The following HYDIN variants were observed in gnomAD, a reference collection of about 807,000 sequenced individuals.
The protein encoded by HYDIN is HYDIN axonemal central pair apparatus protein.
In HYDIN, 132 loss-of-function variants were observed where a neutral mutation model predicts 403.9. That is an observed-to-expected ratio of 0.33 (90% CI 0.28 to 0.38). The LOEUF (loss-of-function observed/expected upper bound fraction) is 0.38. Among genes scored for constraint, HYDIN ranks in the 10% least tolerant of loss-of-function variants. The probability of loss-of-function intolerance (pLI) is 1.00; values close to 1 mark genes in which losing one functional copy is unlikely to be tolerated. For synonymous variants in HYDIN, 1,202 were observed against 1,891.7 expected (o/e 0.64, Z 9.46); for missense variants, 2,827 against 5,009.5 (o/e 0.56, Z 13.15).
chr16:70,810,338 G>A (rs2035398490), intron 84 of HYDIN, among the ~76,000 whole-genome samples: 1 of 152,200 alleles, frequency 6.6e-6, no homozygotes, highest in Non-Finnish European at 1.5e-5. Flanking sequence ...CTCCTTCTTT[G>A]CTCATGGCCA....
At position 70,931,959 on chromosome 16, in the gene HYDIN, C is replaced by T. The variant is rs117551102; in HGVS notation, c.7158+3993G>A. ...GAACCCAGGAGGTGGAGGTTGCGGC[C>T]GAGATCCCACCACTGCACTGTAGCC... On this transcript the variant is annotated intron_variant, in intron 45 of 85. Transcript: ENST00000393567. 8.5e-3 allele frequency among the ~76,000 whole-genome samples: 1,047 copies of T among 122,554 alleles called. 9 individuals are homozygous for T. Among genetic ancestry groups the T allele is most frequent in the Non-Finnish European group, 0.011 (662 of 61,234 alleles). 80.4% of individuals were successfully genotyped at this position (122,554 alleles called of 152,430 possible). A position where few individuals can be genotyped will look rare whatever the true frequency, so the allele number is the denominator to read the frequency against.
intron 9 of HYDIN, 133 bp downstream of exon 9, chr16:71,129,507 G>C: frequency 1.4e-6 from 1 of 703,196 alleles, no homozygotes; most frequent in Non-Finnish European, 2.3e-6. Flanking sequence ...CACAGTGATG[G>C]TGAGTTTCTT....
rs1414742433 is a variant in HYDIN at position 70,889,583 on chromosome 16, G to A, written c.9774+4C>T. 3.7e-6 allele frequency: 2 copies of A among 540,774 alleles called. No individual in the cohort carries two copies. The highest frequency in any genetic ancestry group is 4.2e-5 in the Admixed American group (1 of 23,848). The allele number at this position is 540,774 out of a possible 1,614,324, so 33.5% of individuals were successfully genotyped here. The stretch of plus-strand genomic sequence containing the variant: ...TCTGTAAGAACAGGGAAAAGGACAC[G>A]CACCTGGCCTGTGGTGGTTACTTCT... On this transcript the variant is annotated splice_donor_region_variant and intron_variant, in intron 58 of 85. Transcript: ENST00000393567.
At chr16:71,230,483 G>T in intron 1 of HYDIN, 79 bp downstream of exon 1, 3 of 1,442,768 alleles carry the variant, frequency 2.1e-6, no homozygotes, top group South Asian at 2.8e-5. Flanking sequence ...GCGAGGACGA[G>T]GACGAAAAGA....
intron 5 of HYDIN, among the ~76,000 whole-genome samples, chr16:71,171,064 G>C (rs1007701974): frequency 6.6e-6 from 1 of 152,096 alleles, no homozygotes; most frequent in African/African-American, 2.4e-5. Flanking sequence ...TCCTTCATGA[G>C]CTCACCTGCT....
At chr16:71,203,552 T>C (rs2088133514) in intron 1 of HYDIN, among the ~76,000 whole-genome samples, 1 of 152,208 alleles carries the variant, frequency 6.6e-6, no homozygotes, top group Non-Finnish European at 1.5e-5. Flanking sequence ...ATATATAATA[T>C]ATAGACTAAT....
Position 70,955,443 on chromosome 16 carries a change from C to A in HYDIN, c.6248G>T (p.Gly2083Val). The change falls in exon 40 of 86, where the codon GGG becomes GTG. Residue 2083 changes from glycine (G) to valine (V), a missense_variant. Gly to Val is a moderately radical substitution (Grantham distance 109, BLOSUM62 -3). Transcript: ENST00000393567. ...EAVANSNNIPGIRARELCIRA... is the reference protein window; with the variant it reads ...EAVANSNNIPVIRARELCIRA... ...GATGCAGAGCTCACGGGCCCGGATC[C>A]CTGGGATGTTGTTGCTGTTGGCCAC... is the stretch of plus-strand genomic sequence containing the variant. 6.2e-7 allele frequency: 1 copy of A among 1,614,060 alleles called. No individual in the cohort carries two copies. The highest frequency in any genetic ancestry group is 8.5e-7 in the Non-Finnish European group (1 of 1,179,992).
intron 35 of HYDIN, among the ~76,000 whole-genome samples, chr16:70,971,245 C>T (rs1388647416): frequency 2.0e-5 from 3 of 152,250 alleles, no homozygotes; most frequent in African/African-American, 7.2e-5. Flanking sequence ...GACCCCAGCT[C>T]CCTTGCTCCT....
chr16:71,201,441 C>T (rs976708544), intron 1 of HYDIN, among the ~76,000 whole-genome samples: 2 of 152,138 alleles, frequency 1.3e-5, no homozygotes, highest in African/African-American at 4.8e-5. Context: ...TTGCTGGAAA[C>T]AATGTCATGG....
At chr16:70,944,919 A>C (rs2077803905) in intron 41 of HYDIN, among the ~76,000 whole-genome samples, 1 of 152,008 alleles carries the variant, frequency 6.6e-6, no homozygotes, top group African/African-American at 2.4e-5. Context: ...TGCCTTGTTA[A>C]TTTTTGTATT....
chr16:70,974,268 G>A lies in HYDIN; in HGVS notation c.4942C>T (p.Leu1648=), dbSNP rs2078823342. Residue 1648 remains leucine, a synonymous_variant, in exon 33 of 86, where the codon CTA becomes TTA. Coordinates refer to ENST00000393567, the MANE Select transcript of HYDIN (RefSeq NM_001270974.2). ...AATATTTCCGTTTCACAATGAGGTA[G>A]ATTCTTTACACGATCTAGCTCAGTA... ...FSTELDRVKN[L]PHCETEIFEV... 6.2e-7 allele frequency: 1 copy of A among 1,612,932 alleles called. No individual in the cohort carries two copies. Among genetic ancestry groups the A allele is most frequent in the African/African-American group, 1.3e-5 (1 of 74,860 alleles).
chr16:71,059,085 A>G (rs1453000946), intron 18 of HYDIN, among the ~76,000 whole-genome samples: 2 of 152,232 alleles, frequency 1.3e-5, no homozygotes, highest in African/African-American at 4.8e-5. Context: ...GGCTGTTAGC[A>G]GATAAGTTTT....
chr16:70,934,022 G>A (rs2077427827), intron 45 of HYDIN, among the ~76,000 whole-genome samples: 1 of 152,172 alleles, frequency 6.6e-6, no homozygotes, highest in Admixed American at 6.5e-5. Context: ...AGAAACCAGG[G>A]AGAAGGAGGA....
At chr16:71,054,338 G>A (rs2081787887) in intron 18 of HYDIN, among the ~76,000 whole-genome samples, 1 of 126,464 alleles carries the variant, frequency 7.9e-6, no homozygotes, top group Admixed American at 7.8e-5. Flanking sequence ...CAATTTAGAG[G>A]GCAGAGCTAA....
At chr16:70,922,454 C>G (rs796901495) in intron 45 of HYDIN, among the ~76,000 whole-genome samples, 2 of 152,208 alleles carry the variant, frequency 1.3e-5, no homozygotes, top group Non-Finnish European at 2.9e-5. Flanking sequence ...AGAAAATACA[C>G]ACACTATTCA....
chr16:70,844,847 T>C (rs2038088761), intron 75 of HYDIN, among the ~76,000 whole-genome samples: 1 of 151,688 alleles, frequency 6.6e-6, no homozygotes, highest in African/African-American at 2.4e-5. Context: ...TCTCTGTCTG[T>C]TGTTGGTGTA....
At chr16:71,189,149 G>A (rs553699312) in intron 1 of HYDIN, among the ~76,000 whole-genome samples, 3 of 152,142 alleles carry the variant, frequency 2.0e-5, no homozygotes, top group Non-Finnish European at 4.4e-5. Flanking sequence ...ATCTGACTCA[G>A]CAATCCCTAT....
At chr16:70,925,756 A>G (rs568633987) in intron 45 of HYDIN, among the ~76,000 whole-genome samples, 1 of 151,958 alleles carries the variant, frequency 6.6e-6, no homozygotes, top group Non-Finnish European at 1.5e-5. Context: ...ACTCAAACAA[A>G]TTTACAAGAA....
At chr16:71,200,236 T>C (rs1417704071) in intron 1 of HYDIN, among the ~76,000 whole-genome samples, 1 of 152,216 alleles carries the variant, frequency 6.6e-6, no homozygotes, top group Non-Finnish European at 1.5e-5. Context: ...CCAGCAGCCC[T>C]CGGGGCTGCT....
Sources: allele counts gnomAD v4.1 joint callset (sites outside exome capture counted in the v4.1 genomes callset), GRCh38; gene constraint gnomAD v4.1.1; transcripts MANE v1.5; gene names NCBI Gene and HGNC (gene_info 2026-07-23, HGNC 2026-07-21).